The following PPP3CA variants were observed in gnomAD, a reference collection of about 807,000 sequenced individuals.
The protein encoded by PPP3CA is CAM-PRP catalytic subunit.
PPP3CA carries 14 observed loss-of-function variants against 66.5 expected under a neutral mutation model. That is an observed-to-expected ratio of 0.21 (90% CI 0.14 to 0.33). The LOEUF is 0.33. Among genes scored for constraint, PPP3CA ranks in the 10% least tolerant of loss-of-function variants. PPP3CA has a pLI of 1.00. For missense variants in PPP3CA, 317 were observed against 639.5 expected (o/e 0.50, Z 5.44); for synonymous variants, 232 against 226.2 (o/e 1.03, Z -0.23).
At chr4:101,091,874 G>A (rs1729964063) in intron 6 of PPP3CA, among the ~76,000 whole-genome samples, 1 of 140,612 alleles carries the variant, frequency 7.1e-6, no homozygotes, top group Non-Finnish European at 1.5e-5. Context: ...TGAAGAAGAG[G>A]AGGAGGAGGA....
chr4:101,105,823 G>A (rs917487638), intron 3 of PPP3CA, among the ~76,000 whole-genome samples: 3 of 152,050 alleles, frequency 2.0e-5, no homozygotes, highest in Non-Finnish European at 2.9e-5. Context: ...AATTTCCAAC[G>A]CAGCACAACA....
At chr4:101,342,678 T>C (rs1466562716) in intron 1 of PPP3CA, among the ~76,000 whole-genome samples, 1 of 152,188 alleles carries the variant, frequency 6.6e-6, no homozygotes, top group Non-Finnish European at 1.5e-5. Context: ...AGTTTCACTA[T>C]ACTCAAATTG....
intron 1 of PPP3CA, among the ~76,000 whole-genome samples, chr4:101,260,708 G>A (rs922319785): frequency 8.5e-5 from 13 of 152,096 alleles, no homozygotes; most frequent in South Asian, 2.1e-4. Context: ...AGCAACCTTC[G>A]TTCATCAAAA....
intron 8 of PPP3CA, among the ~76,000 whole-genome samples, chr4:101,078,851 C>T (rs1327912120): frequency 2.6e-5 from 4 of 152,190 alleles, no homozygotes; most frequent in Non-Finnish European, 1.5e-5. Flanking sequence ...CTCCCACATA[C>T]TTAAAAGCAC....
chr4:101,204,702 A>G (rs969078577), intron 1 of PPP3CA, among the ~76,000 whole-genome samples: 1 of 151,802 alleles, frequency 6.6e-6, no homozygotes, highest in African/African-American at 2.4e-5. Flanking sequence ...GACAATGCCA[A>G]TCACAAATTA....
intron 10 of PPP3CA, among the ~76,000 whole-genome samples, chr4:101,056,596 C>T (rs902589304): frequency 2.0e-5 from 3 of 152,078 alleles, no homozygotes; most frequent in South Asian, 4.1e-4. Flanking sequence ...TTGAGAAGGG[C>T]TTGATAAATG....
intron 5 of PPP3CA, among the ~76,000 whole-genome samples, chr4:101,096,554 C>CT (rs1397093157): frequency 6.6e-6 from 1 of 152,110 alleles, no homozygotes; most frequent in Non-Finnish European, 1.5e-5. Flanking sequence ...AATTAAAACA[C>CT]TATTTTGAGG....
intron 1 of PPP3CA, among the ~76,000 whole-genome samples, chr4:101,233,868 G>A (rs1323587596): frequency 1.3e-5 from 2 of 151,548 alleles, no homozygotes; most frequent in Non-Finnish European, 3.0e-5. Context: ...ACTCAGGTAG[G>A]AGGCGTCATA....
chr4:101,318,496 T>A (rs996885156), intron 1 of PPP3CA, among the ~76,000 whole-genome samples: 4 of 152,196 alleles, frequency 2.6e-5, no homozygotes, highest in Admixed American at 6.5e-5. Flanking sequence ...GCATCATACT[T>A]ACCACCTAAC....
intron 1 of PPP3CA, among the ~76,000 whole-genome samples, chr4:101,222,761 A>AT (rs1725666718): frequency 6.6e-6 from 1 of 151,842 alleles, no homozygotes; most frequent in South Asian, 2.1e-4. Flanking sequence ...TACAAATATG[A>AT]ACGAACTTTC....
chr4:101,101,218 T>C (rs927798572), intron 3 of PPP3CA, among the ~76,000 whole-genome samples: 10 of 152,154 alleles, frequency 6.6e-5, no homozygotes, highest in Non-Finnish European at 1.3e-4. Flanking sequence ...CCTTAAAGCA[T>C]CATGATCTGT....
intron 1 of PPP3CA, among the ~76,000 whole-genome samples, chr4:101,329,752 C>CAAAGTAGT (rs1329250322): frequency 6.6e-6 from 1 of 152,074 alleles, no homozygotes; most frequent in African/African-American, 2.4e-5. Flanking sequence ...TCTGCCTGTG[C>CAAAGTAGT]TCCGTAAGTG....
chr4:101,230,979 T>C (rs897971599), intron 1 of PPP3CA, among the ~76,000 whole-genome samples: 6 of 151,744 alleles, frequency 4.0e-5, no homozygotes, highest in Admixed American at 6.6e-5. Context: ...CTTTCATGAA[T>C]CACTTTCAAA....
At chr4:101,060,477 TC>T (rs1415039009) in intron 10 of PPP3CA, among the ~76,000 whole-genome samples, 1 of 152,118 alleles carries the variant, frequency 6.6e-6, no homozygotes, top group Admixed American at 6.6e-5. Context: ...AGGGTAATTT[TC>T]CCCTTCATCT....
intron 1 of PPP3CA, among the ~76,000 whole-genome samples, chr4:101,311,319 T>C (rs1299472402): frequency 1.3e-5 from 2 of 152,214 alleles, no homozygotes; most frequent in African/African-American, 4.8e-5. Context: ...ATTTAATCTT[T>C]ACAACCAGCC....
chr4:101,254,342 T>C (rs879674273), intron 1 of PPP3CA, among the ~76,000 whole-genome samples: 3 of 152,006 alleles, frequency 2.0e-5, no homozygotes, highest in Non-Finnish European at 4.4e-5. Flanking sequence ...AATGGAAATA[T>C]TCTGCTAGTT....
rs180708784 is a variant in PPP3CA at position 101,073,990 on chromosome 4, T to C, written c.955+6542A>G. Reference sequence around the variant, plus strand: ...TTGAGATGATGGCAGGGAAAAAGCATATGCTGGGAAAACTGTTGTTACGGG... The same window carrying C: ...TTGAGATGATGGCAGGGAAAAAGCACATGCTGGGAAAACTGTTGTTACGGG... On this transcript the variant is annotated intron_variant, in intron 8 of 13. Coordinates refer to ENST00000394854, the MANE Select transcript of PPP3CA (RefSeq NM_000944.5). Among the ~76,000 whole-genome samples the C allele has an allele frequency of 5.3e-3, 814 of 152,298 alleles. 23 individuals are homozygous for C. Among genetic ancestry groups the C allele is most frequent in the Non-Finnish European group, 2.6e-3 (178 of 68,008 alleles).
chr4:101,227,167 G>A (rs1176969411), intron 1 of PPP3CA, among the ~76,000 whole-genome samples: 1 of 151,450 alleles, frequency 6.6e-6, no homozygotes, highest in African/African-American at 2.4e-5. Flanking sequence ...ATTTAATAAA[G>A]ACAACACATG....
chr4:101,336,786 A>G (rs1220216482), intron 1 of PPP3CA, among the ~76,000 whole-genome samples: 3 of 151,986 alleles, frequency 2.0e-5, no homozygotes, highest in Non-Finnish European at 2.9e-5. Context: ...TGGAATAGGG[A>G]GCTGCCTCTC....
Sources: allele counts gnomAD v4.1 joint callset (sites outside exome capture counted in the v4.1 genomes callset), GRCh38; gene constraint gnomAD v4.1.1; transcripts MANE v1.5; gene names NCBI Gene and HGNC (gene_info 2026-07-23, HGNC 2026-07-21).